The following ZRANB1 variants were observed in gnomAD, a reference collection of about 807,000 sequenced individuals.
ZRANB1 encodes the protein zinc finger RANBP2-type containing 1.
Under a neutral mutation model 80.5 loss-of-function variants are expected in ZRANB1, and 16 were observed. The observed-to-expected ratio is 0.20, with a 90% CI of 0.13 to 0.30. The LOEUF is 0.30. Among genes scored for constraint, ZRANB1 ranks in the 10% least tolerant of loss-of-function variants. The probability of loss-of-function intolerance (pLI) is 1.00; values close to 1 mark genes in which losing one functional copy is unlikely to be tolerated. For synonymous variants in ZRANB1, 291 were observed against 293.1 expected (o/e 0.99, Z 0.07); for missense variants, 576 against 862.6 (o/e 0.67, Z 4.16).
At chr10:124,972,212 A>T (rs3802700) in intron 3 of ZRANB1, 94 bp downstream of exon 3, 1,050,685 of 1,216,186 alleles carry the variant, frequency 0.86, 458,430 homozygotes, top group East Asian at 0.94. Context: ...GAAAGCACAT[A>T]ACATAGCTAC....
chr10:124,942,187 A>G lies in ZRANB1; in HGVS notation c.-307A>G. 2 of 1,167,268 alleles carry G rather than the reference A, an allele frequency of 1.7e-6. No individual in the cohort carries two copies. The highest frequency in any genetic ancestry group is 5.1e-5 in the East Asian group (1 of 19,598). 72.3% of individuals were successfully genotyped at this position (1,167,268 alleles called of 1,614,324 possible). A position where few individuals can be genotyped will look rare whatever the true frequency, so the allele number is the denominator to read the frequency against. On this transcript the variant is annotated 5_prime_UTR_variant, in exon 1 of 9. Transcript: ENST00000359653. ...TTCCCGTTAATCTCATCCTTCTTAG[A>G]TCAAACCTCGTTATATCTCCTGCCT...
chr10:124,949,926 A>G (rs924274817), intron 1 of ZRANB1, among the ~76,000 whole-genome samples: 7 of 152,178 alleles, frequency 4.6e-5, no homozygotes, highest in African/African-American at 1.7e-4. Context: ...TGAAGTGCAC[A>G]TGCAGTGGTG....
chr10:124,981,417 A>C, intron 5 of ZRANB1: 1 of 192,680 alleles, frequency 5.2e-6, no homozygotes, highest in East Asian at 1.3e-4. Flanking sequence ...TTTGTAAACT[A>C]ATTGTGGACA....
intron 1 of ZRANB1, among the ~76,000 whole-genome samples, chr10:124,954,140 G>GTTTTTTTTT (rs55962412): frequency 5.7e-5 from 3 of 52,536 alleles, no homozygotes; most frequent in African/African-American, 2.5e-4. Flanking sequence ...GCTAATTCCT[G>GTTTTTTTTT]TTTTTTTTTT....
intron 5 of ZRANB1, among the ~76,000 whole-genome samples, chr10:124,978,368 T>C (rs539691084): frequency 3.9e-5 from 6 of 152,242 alleles, no homozygotes; most frequent in Non-Finnish European, 8.8e-5. Context: ...TTAAGTCATA[T>C]AAGATACATA....
chr10:124,981,563 A>C, intron 5 of ZRANB1, 146 bp from the exon 6 acceptor site: 1 of 747,768 alleles, frequency 1.3e-6, no homozygotes, highest in Non-Finnish European at 2.0e-6. Context: ...TTTCATTAGA[A>C]AAATACATTA....
chr10:124,942,320 G>T lies in ZRANB1; in HGVS notation c.-174G>T. On this transcript the variant is annotated 5_prime_UTR_variant, in exon 1 of 9. Coordinates refer to ENST00000359653, the MANE Select transcript of ZRANB1 (RefSeq NM_017580.3). The stretch of plus-strand genomic sequence containing the variant: ...TATGGAAATTAAAAAAGAAAATTAG[G>T]ATAATTCAATGTCGAAATGTTGCAT... The T allele has an allele frequency of 7.0e-7, 1 of 1,419,154 alleles. No individual in the cohort carries two copies. The highest frequency in any genetic ancestry group is 2.5e-5 in the East Asian group (1 of 39,594). The allele number at this position is 1,419,154 out of a possible 1,614,324, so 87.9% of individuals were successfully genotyped here.
chr10:124,975,359 AC>A (rs1288292544), intron 5 of ZRANB1, among the ~76,000 whole-genome samples: 4 of 152,180 alleles, frequency 2.6e-5, no homozygotes, highest in Non-Finnish European at 5.9e-5. Flanking sequence ...ATGATGCTTT[AC>A]CCTTCAAAAT....
chr10:124,974,495 A>G (rs1336753496), intron 5 of ZRANB1, 97 bp downstream of exon 5: 8 of 1,272,202 alleles, frequency 6.3e-6, no homozygotes, highest in Admixed American at 6.3e-5. Flanking sequence ...TATATTTTCT[A>G]TGGAAACTGG....
chr10:124,920,079 C>T, the ZRANB1 span, among the ~76,000 whole-genome samples: 5 of 151,926 alleles, frequency 3.3e-5, no homozygotes, highest in East Asian at 1.9e-4. Flanking sequence ...CGTGCCACCA[C>T]GCCTGGCTAA....
the ZRANB1 span, among the ~76,000 whole-genome samples, chr10:124,917,584 T>A: frequency 2.0e-5 from 3 of 152,272 alleles, no homozygotes; most frequent in South Asian, 2.1e-4. Context: ...CCCCACAACT[T>A]CTTTTCCTGC....
chr10:124,964,597 A>G (rs1187698780), intron 1 of ZRANB1, among the ~76,000 whole-genome samples: 2 of 152,244 alleles, frequency 1.3e-5, no homozygotes, highest in Non-Finnish European at 2.9e-5. Flanking sequence ...GCATACACGT[A>G]TATACACATA....
At chr10:124,950,412 C>T (rs1468389900) in intron 1 of ZRANB1, among the ~76,000 whole-genome samples, 1 of 152,186 alleles carries the variant, frequency 6.6e-6, no homozygotes, top group Non-Finnish European at 1.5e-5. Context: ...GTGTGAGCCA[C>T]TGTGCCTGGT....
the ZRANB1 span, among the ~76,000 whole-genome samples, chr10:124,935,808 G>A: frequency 3.5e-4 from 54 of 152,300 alleles, no homozygotes; most frequent in African/African-American, 1.2e-3. Context: ...CGTGCCACTG[G>A]AATCTCTGAA....
intron 3 of ZRANB1, among the ~76,000 whole-genome samples, chr10:124,972,339 C>T (rs372504329): frequency 7.2e-5 from 11 of 152,098 alleles, no homozygotes; most frequent in African/African-American, 1.4e-4. Flanking sequence ...TTGATAGTAA[C>T]GGATTTCTTT....
At chr10:124,984,715 C>G in intron 8 of ZRANB1, 59 bp from the exon 9 acceptor site, 4 of 1,540,414 alleles carry the variant, frequency 2.6e-6, no homozygotes, top group Admixed American at 3.6e-5. Context: ...ATGTCACATT[C>G]CTACCAAGTC....
chr10:124,942,991 T>C lies in ZRANB1; in HGVS notation c.498T>C (p.Ala166=), dbSNP rs199514919. The C allele has an allele frequency of 1.2e-6, 2 of 1,614,208 alleles. No individual in the cohort carries two copies. Among genetic ancestry groups the C allele is most frequent in the South Asian group, 1.1e-5 (1 of 91,084 alleles). ...GCACATATGAAAACTGGGCCAAGGCTAAAAGATGTGTTGTTTGTGATCATC... is the reference window on the plus strand; with the variant it reads ...GCACATATGAAAACTGGGCCAAGGCCAAAAGATGTGTTGTTTGTGATCATC... ...SVCTYENWAK[A]KRCVVCDHPR... is the part of the protein sequence containing the mutation. The change falls in exon 1 of 9, where the codon GCT becomes GCC. Residue 166 remains alanine (A), a synonymous_variant. Coordinates refer to ENST00000359653, the MANE Select transcript of ZRANB1 (RefSeq NM_017580.3).
chr10:124,969,765 A>G (rs1951806274), intron 2 of ZRANB1, among the ~76,000 whole-genome samples: 3 of 152,230 alleles, frequency 2.0e-5, no homozygotes, highest in African/African-American at 4.8e-5. Flanking sequence ...ATTAAAACCA[A>G]ATTCCCATTA....
chr10:124,939,467 AT>A (rs917323962), upstream of ZRANB1, among the ~76,000 whole-genome samples: 9 of 152,092 alleles, frequency 5.9e-5, no homozygotes, highest in African/African-American at 2.2e-4. Flanking sequence ...GACAGTGATT[AT>A]TTTTTATGAC....
Sources: gnomAD v4.1 joint callset for allele counts (sites outside exome capture counted in the v4.1 genomes callset) on GRCh38, gnomAD v4.1.1 for gene constraint, MANE v1.5 for transcripts, NCBI Gene and HGNC (gene_info 2026-07-23, HGNC 2026-07-21) for gene names.